Variants in RNF123 observed in about 807,000 individuals in gnomAD.
The protein encoded by RNF123 is E3 ubiquitin-protein ligase RNF123.
A neutral mutation model predicts 168.5 loss-of-function variants in RNF123; 86 were observed. That is an observed-to-expected ratio of 0.51 (90% confidence interval 0.43 to 0.61). The LOEUF is 0.61. Ranked by LOEUF, RNF123 falls within the 20% of genes least tolerant of loss-of-function variation. RNF123 has a pLI of 0.00. For missense variants in RNF123, 1,419 were observed against 1,729.7 expected (o/e 0.82, Z 3.19); for synonymous variants, 666 against 689.1 (o/e 0.97, Z 0.52).
At position 49,713,672 on chromosome 3, in the gene RNF123, G is replaced by C. The variant is rs1196500363; in HGVS notation, c.2750-66G>C. 1.9e-6 allele frequency: 3 copies of C among 1,571,256 alleles called. No homozygotes were observed. In the African/African-American group the frequency reaches 4.1e-5, roughly 21 times the overall value. ...TTTCTTCTATGAAAAATGTGGCCAG[G>C]TGGGCATGAAGTATGGGTCCAGGGC... is the stretch of plus-strand genomic sequence containing the variant. On this transcript the variant is annotated intron_variant, in intron 28 of 38. Transcript: ENST00000327697.
At chr3:49,701,375 C>A in intron 15 of RNF123, 116 bp from the exon 16 acceptor site, 1 of 798,402 alleles carries the variant, frequency 1.3e-6, no homozygotes, top group East Asian at 2.4e-5. Flanking sequence ...CAACATGCCC[C>A]TGTGGTGGTG....
chr3:49,705,698 C>A lies in RNF123; in HGVS notation c.2304+19C>A. ...GGGCAAGGTCGTGCACTCTTGGACC[C>A]CGCATTGGGTGGCGGGTGTTGTGCG... On this transcript the variant is annotated intron_variant, in intron 24 of 38. Coordinates refer to ENST00000327697, the MANE Select transcript of RNF123 (RefSeq NM_022064.5). 1 of 1,613,998 alleles carries A rather than the reference C, an allele frequency of 6.2e-7. No homozygotes were observed. Among genetic ancestry groups the A allele is most frequent in the Non-Finnish European group, 8.5e-7 (1 of 1,179,960 alleles).
At chr3:49,719,499 C>G (rs1263097862) in intron 35 of RNF123, 2 of 1,553,564 alleles carry the variant, frequency 1.3e-6, no homozygotes, top group Non-Finnish European at 1.8e-6. Flanking sequence ...CAGAGCAGCT[C>G]TGTGCAGGTT....
At chr3:49,701,262 G>A (rs1315017977) in intron 15 of RNF123, among the ~76,000 whole-genome samples, 4 of 152,222 alleles carry the variant, frequency 2.6e-5, no homozygotes, top group Non-Finnish European at 4.4e-5. Context: ...ATCTGTTCCT[G>A]TGACAAGCCC....
intron 3 of RNF123, among the ~76,000 whole-genome samples, chr3:49,693,646 C>T (rs559015188): frequency 3.9e-5 from 6 of 152,200 alleles, no homozygotes; most frequent in East Asian, 1.9e-4. Flanking sequence ...CATGAGCCAC[C>T]GCACCTGACC....
intron 35 of RNF123, chr3:49,719,349 G>A (rs755736042): frequency 1.9e-6 from 3 of 1,613,518 alleles, no homozygotes; most frequent in South Asian, 2.2e-5. Context: ...CGGCAGCGCA[G>A]ATACATTTGT....
chr3:49,718,879 C>T (rs1413528059), intron 35 of RNF123: 1 of 1,613,416 alleles, frequency 6.2e-7, no homozygotes, highest in African/African-American at 1.3e-5. Context: ...GGAGATGTGT[C>T]CCAGCCGGTT....
chr3:49,703,624 C>G, intron 21 of RNF123, 96 bp downstream of exon 21: 1 of 955,774 alleles, frequency 1.0e-6, no homozygotes, highest in Non-Finnish European at 1.6e-6. Context: ...ATCCTATGGC[C>G]ACCAGAGGGT....
intron 31 of RNF123, 61 bp from the exon 32 acceptor site, chr3:49,715,514 C>G (rs546002047): frequency 2.7e-4 from 426 of 1,602,620 alleles, no homozygotes; most frequent in Admixed American, 4.2e-4. Flanking sequence ...AGGACAGAGG[C>G]AAACAGGCAG....
chr3:49,712,842 C>A, intron 27 of RNF123, 186 bp downstream of exon 27: 1 of 730,582 alleles, frequency 1.4e-6, no homozygotes, highest in Non-Finnish European at 2.4e-6. Context: ...GGACCTGCAG[C>A]CACAGAGCCA....
chr3:49,703,480 C>T lies in RNF123; in HGVS notation c.1804C>T (p.Leu602=), dbSNP rs1353686077. ...TAATGGCAAGGTGGACTACTTTGAC[C>T]TGCAGCGCCTGGGGGGCCTCCTCTC... The part of the protein sequence containing the change: ...FYNGKVDYFD[L]QRLGGLLSHL... Residue 602 remains leucine, a synonymous_variant, in exon 21 of 39, where the codon CTG becomes TTG. Transcript: ENST00000327697. 2.5e-6 allele frequency: 4 copies of T among 1,614,046 alleles called. No homozygotes were observed. The highest frequency in any genetic ancestry group is 2.2e-5 in the South Asian group (2 of 91,064).
intron 35 of RNF123, chr3:49,718,725 G>C: frequency 6.2e-7 from 1 of 1,612,982 alleles, no homozygotes; most frequent in Non-Finnish European, 8.5e-7. Flanking sequence ...ATACGTACTC[G>C]CGCGCAAAGT....
chr3:49,707,096 C>T (rs2108191415), intron 26 of RNF123, among the ~76,000 whole-genome samples, 198 bp downstream of exon 26: 1 of 152,328 alleles, frequency 6.6e-6, no homozygotes, highest in Middle Eastern at 3.4e-3. Flanking sequence ...AGCGCAGTTT[C>T]TGGACCTCCA....
chr3:49,710,397 G>A (rs1362550166), intron 26 of RNF123, among the ~76,000 whole-genome samples: 5 of 151,914 alleles, frequency 3.3e-5, no homozygotes, highest in Admixed American at 6.6e-5. Flanking sequence ...CTTCCACCTC[G>A]GCCTCCTGAG....
intron 35 of RNF123, chr3:49,718,050 T>TA (rs1232359321): frequency 1.9e-6 from 3 of 1,613,644 alleles, no homozygotes; most frequent in Non-Finnish European, 2.5e-6. Flanking sequence ...ATTCCTCAGC[T>TA]ACTGCCAGCT....
intron 35 of RNF123, chr3:49,717,896 G>C: frequency 2.6e-6 from 4 of 1,550,840 alleles, no homozygotes; most frequent in Non-Finnish European, 2.6e-6. Context: ...ACCGAAGCAG[G>C]GAGCAGGGCG....
chr3:49,692,925 G>A (rs1425008172), intron 3 of RNF123, among the ~76,000 whole-genome samples: 1 of 152,084 alleles, frequency 6.6e-6, no homozygotes, highest in South Asian at 2.1e-4. Context: ...GAACAGTGCT[G>A]CAACAAACAT....
At chr3:49,713,367 C>T in intron 27 of RNF123, 146 bp from the exon 28 acceptor site, 1 of 703,550 alleles carries the variant, frequency 1.4e-6, no homozygotes, top group East Asian at 2.7e-5. Flanking sequence ...AATGCTTTGC[C>T]CGATGTCCCC....
Position 49,721,241 on chromosome 3 carries a change from C to T in RNF123, c.3881C>T (p.Thr1294Ile). ...AAGGACTGCTTCTTCTGCAAAACCA[C>T]CATCGTGTCTGTAGAGGACTGGGAG... ...NNKDCFFCKTTIVSVEDWEKG... is the reference protein window; with the variant it reads ...NNKDCFFCKTIIVSVEDWEKG... The change falls in exon 39 of 39, where the codon ACC becomes ATC. Residue 1294 changes from threonine to isoleucine, a missense_variant. Around this residue, in one of 5 missense-constraint regions of RNF123, gnomAD observed 50 missense variants for 77.2 expected, o/e 0.65. Coordinates refer to ENST00000327697, the MANE Select transcript of RNF123 (RefSeq NM_022064.5). 2 of 1,614,214 alleles carry T rather than the reference C, an allele frequency of 1.2e-6. No individual in the cohort carries two copies. The highest frequency in any genetic ancestry group is 1.7e-6 in the Non-Finnish European group (2 of 1,180,028).
Sources: gnomAD v4.1 joint callset for allele counts (sites outside exome capture counted in the v4.1 genomes callset) on GRCh38, gnomAD v4.1.1 for gene constraint, gnomAD v4.1.1 regional missense constraint, MANE v1.5 for transcripts, NCBI Gene and HGNC (gene_info 2026-07-23, HGNC 2026-07-21) for gene names.